Variants in EPPK1 observed in about 807,000 individuals in gnomAD.
The protein encoded by EPPK1 is epiplakin 1, also known as epiplakin.
For missense variants in EPPK1, 3,823 were observed against 3,673.3 expected (o/e 1.04, Z -1.05); for synonymous variants, 1,862 against 1,721.2 (o/e 1.08, Z -2.03).
chr8:143,866,036 G>A lies in EPPK1; in HGVS notation c.7218C>T (p.Pro2406=). Residue 2406 remains proline (P), a synonymous_variant, in exon 2 of 2, where the codon CCC becomes CCT. Coordinates refer to ENST00000615648, the MANE Select transcript of EPPK1 (RefSeq NM_031308.4). ...GCATGTAGAGCCCGGTGTCCGGGTC[G>A]GGCACGCAGCGGCGCAGCAGCTGCA... The part of the protein sequence containing the change: ...TYVQLLRRCV[P]DPDTGLYMLQ... 2 of 168,220 alleles carry A rather than the reference G, an allele frequency of 1.2e-5. No individual in the cohort carries two copies. The highest frequency in any genetic ancestry group is 2.0e-5 in the Non-Finnish European group (2 of 102,426). 10.4% of individuals were successfully genotyped at this position (168,220 alleles called of 1,614,324 possible).
rs369032863 is a variant in EPPK1, at chr8:143,871,791, C to A, written c.1463G>T (p.Arg488Leu). Residue 488 changes from arginine to leucine, a missense_variant, in exon 2 of 2, where the codon CGG becomes CTG. Coordinates refer to ENST00000615648, the MANE Select transcript of EPPK1 (RefSeq NM_031308.4). ...GGCTGTGGCCGTGCTCAGGGCCTGC[C>A]GAGTGCTGTACTTGATGAATGGGGG... ...QGPPFIKYST[R>L]QALSTATATV... The A allele has an allele frequency of 3.7e-6, 6 of 1,611,778 alleles. No individual in the cohort carries two copies. The African/African-American group carries it at 4.0e-5, about 11-fold the overall frequency.
Position 143,869,778 on chromosome 8 carries a change from C to G in EPPK1, c.3476G>C (p.Arg1159Thr). 1 of 1,605,040 alleles carries G rather than the reference C, an allele frequency of 6.2e-7. No individual in the cohort carries two copies. Among genetic ancestry groups the G allele is most frequent in the South Asian group, 1.1e-5 (1 of 89,374 alleles). Residue 1159 changes from arginine (R) to threonine (T), a missense_variant, in exon 2 of 2, where the codon AGG becomes ACG. Arg to Thr is a moderately conservative substitution (Grantham distance 71). Coordinates refer to ENST00000615648, the MANE Select transcript of EPPK1 (RefSeq NM_031308.4). Reference sequence around the variant, plus strand: ...CTCCTGCACGTCCTCCAGCAGGCCCCTCCGTTGCTCCTCGGTGAAGTGGCA... The same window carrying G: ...CTCCTGCACGTCCTCCAGCAGGCCCGTCCGTTGCTCCTCGGTGAAGTGGCA... The part of the protein sequence containing the change: ...SSCHFTEEQR[R>T]GLLEDVQEGR...
chr8:143,878,174 G>A (rs1009723316), intron 1 of EPPK1, among the ~76,000 whole-genome samples: 4 of 151,750 alleles, frequency 2.6e-5, no homozygotes, highest in Non-Finnish European at 5.9e-5. Flanking sequence ...CTCTTCACCG[G>A]CGCCCGGGAC....
In EPPK1 at chr8:143,857,816, A is replaced by C. The variant is rs1302791561; in HGVS notation, c.*171T>G. 9 of 550,366 alleles carry C rather than the reference A, an allele frequency of 1.6e-5. No homozygotes were observed. Among genetic ancestry groups the C allele is most frequent in the Non-Finnish European group, 2.4e-5 (8 of 333,026 alleles). 34.1% of individuals were successfully genotyped at this position (550,366 alleles called of 1,614,324 possible). On this transcript the variant is annotated 3_prime_UTR_variant, in exon 2 of 2. Transcript: ENST00000615648. ...ACTTATGAAACACCTCGATGGACAA[A>C]GGAAAAGTTTCTGTCACATGACAAC...
At chr8:143,877,722 G>A (rs1176267662) in intron 1 of EPPK1, among the ~76,000 whole-genome samples, 1 of 152,170 alleles carries the variant, frequency 6.6e-6, no homozygotes, top group Non-Finnish European at 1.5e-5. Context: ...CCGGCTGTGT[G>A]CCCTTGTGGG....
Position 143,870,670 on chromosome 8 carries a change from C to T in EPPK1, c.2584G>A (p.Gly862Arg). 6.2e-7 allele frequency: 1 copy of T among 1,608,074 alleles called. No homozygotes were observed. The highest frequency in any genetic ancestry group is 8.5e-7 in the Non-Finnish European group (1 of 1,177,968). Residue 862 changes from glycine to arginine, a missense_variant, in exon 2 of 2, where the codon GGG becomes AGG. Physicochemically the swap from Gly to Arg is moderately radical, Grantham distance 125 (BLOSUM62 -2). Transcript: ENST00000615648. This position sits in a 1 kb window ranked among gnomAD's most constrained non-coding sequence, Gnocchi z 5.2. ...GCCTCCAGCAGCTTTGCCACCTGCC[C>T]CAGCGTGACCTCGCGCTGCCGGTAG... is the stretch of plus-strand genomic sequence containing the variant. ...RRYRQREVTL[G>R]QVAKLLEAET... is the part of the protein sequence containing the mutation.
In EPPK1 at chr8:143,866,860, T is replaced by C. The variant is rs1554659218; in HGVS notation, c.6394A>G (p.Thr2132Ala). The C allele has an allele frequency of 1.2e-6, 2 of 1,613,292 alleles. No homozygotes were observed. The highest frequency in any genetic ancestry group is 2.2e-5 in the South Asian group (2 of 91,088). The change falls in exon 2 of 2, where the codon ACA (threonine) becomes GCA (alanine). Residue 2132 changes from threonine (T) to alanine (A), a missense_variant. Transcript: ENST00000615648. ...ACCAGCTGGAGCTTCTTCTCCTCTG[T>C]CACGTATTCGGAATTCAGTAGTGCC... ...LWALLNSEYV[T>A]EEKKLQLVRM... is the part of the protein sequence containing the mutation.
In EPPK1 at chr8:143,872,651, G is replaced by T; in HGVS notation, c.603C>A (p.Leu201=). 6.2e-7 allele frequency: 1 copy of T among 1,609,132 alleles called. No individual in the cohort carries two copies. ...LEPGTGDLRF[L]DPNTLERLTY... is the part of the protein sequence containing the mutation. ...TCAGCCGCTCCAGCGTGTTGGGGTC[G>T]AGGAAGCGCAGGTCACCTGTGCCAG... The change falls in exon 2 of 2, where the codon CTC becomes CTA. Residue 201 remains leucine, a synonymous_variant. Coordinates refer to ENST00000615648, the MANE Select transcript of EPPK1 (RefSeq NM_031308.4).
In EPPK1 at chr8:143,867,777, T is replaced by C. The variant is rs1448713962; in HGVS notation, c.5477A>G (p.Lys1826Arg). Residue 1826 changes from lysine to arginine, a missense_variant, in exon 2 of 2, where the codon AAA becomes AGA. Lys to Arg is a conservative substitution (Grantham distance 26). Coordinates refer to ENST00000615648, the MANE Select transcript of EPPK1 (RefSeq NM_031308.4). ...TGTCGTGGTGATGATTTCCAGCAAT[T>C]TCTCCAGGCCCCCACTCTGGGCTCC... ...EYGAQSGGLEKLLEIITTTIE... is the reference protein window; with the variant it reads ...EYGAQSGGLERLLEIITTTIE... 5 of 1,613,588 alleles carry C rather than the reference T, an allele frequency of 3.1e-6. No homozygotes were observed. Among genetic ancestry groups the C allele is most frequent in the Non-Finnish European group, 4.2e-6 (5 of 1,179,866 alleles).
rs782469351 is a variant in EPPK1, at chr8:143,867,073, C to G, written c.6181G>C (p.Glu2061Gln). ...RKRFVDPNTQEKVSYRELQER... is the reference protein window; with the variant it reads ...RKRFVDPNTQQKVSYRELQER... Reference sequence around the variant, plus strand: ...TGCAGCTCTCGGTACGAGACCTTCTCTTGCGTGTTCGGGTCCACAAACCGT... The same window carrying G: ...TGCAGCTCTCGGTACGAGACCTTCTGTTGCGTGTTCGGGTCCACAAACCGT... Residue 2061 changes from glutamate to glutamine, a missense_variant, in exon 2 of 2, where the codon GAG becomes CAG. Glu to Gln is a conservative substitution (Grantham distance 29, BLOSUM62 2). Coordinates refer to ENST00000615648, the MANE Select transcript of EPPK1 (RefSeq NM_031308.4). The G allele has an allele frequency of 1.1e-5, 18 of 1,612,878 alleles. No homozygotes were observed. Among genetic ancestry groups the G allele is most frequent in the Non-Finnish European group, 1.4e-5 (17 of 1,179,878 alleles).
At position 143,870,438 on chromosome 8, in the gene EPPK1, G is replaced by T. The variant is rs1186563431; in HGVS notation, c.2816C>A (p.Pro939His). ...LGAVGGVRLL[P>H]SGQRLSLYQA... ...GTAGAGGCTGAGCCGCTGGCCAGAG[G>T]GCAGCAGCCGCACACCGCCCACAGC... The change falls in exon 2 of 2, where the codon CCC becomes CAC. Residue 939 changes from proline (P) to histidine (H), a missense_variant. By Grantham distance (77) the Pro-to-His change is moderately conservative. Transcript: ENST00000615648. The surrounding 1 kb of genome is among the most constrained non-coding windows in gnomAD (Gnocchi z 5.2). 6 of 1,597,832 alleles carry T rather than the reference G, an allele frequency of 3.8e-6. No homozygotes were observed. Among genetic ancestry groups the T allele is most frequent in the Admixed American group, 1.7e-5 (1 of 59,392 alleles).
chr8:143,866,543 G>A lies in EPPK1; in HGVS notation c.6711C>T (p.Pro2237=), dbSNP rs1366613440. The A allele has an allele frequency of 1.6e-3, 2,539 of 1,596,718 alleles. 40 individuals are homozygous for A. In the African/African-American group the frequency reaches 0.03, roughly 19 times the overall value. The change falls in exon 2 of 2, where the codon CCC becomes CCT. Residue 2237 remains proline (P), a synonymous_variant. Coordinates refer to ENST00000615648, the MANE Select transcript of EPPK1 (RefSeq NM_031308.4). The stretch of plus-strand genomic sequence containing the variant: ...AGATGCTCATCTTCTCCTGGCGGCC[G>A]GGCTGGTCCTTGGCGGGCACCAGGA... ...AGVLVPAKDQ[P]GRQEKMSIYQ...
chr8:143,866,820 G>C lies in EPPK1; in HGVS notation c.6434C>G (p.Thr2145Arg). 2 of 1,613,424 alleles carry C rather than the reference G, an allele frequency of 1.2e-6. No individual in the cohort carries two copies. The highest frequency in any genetic ancestry group is 1.7e-6 in the Non-Finnish European group (2 of 1,179,848). The change falls in exon 2 of 2, where the codon ACA (threonine) becomes AGA (arginine). Residue 2145 changes from threonine (T) to arginine (R), a missense_variant. Transcript: ENST00000615648. ...CGTCTGCAGTGCCCGTCTGGTGTGT[G>C]TTCTATACATCCTCACCAGCTGGAG... The part of the protein sequence containing the change: ...KKLQLVRMYR[T>R]HTRRALQTVA...
At position 143,870,321 on chromosome 8, in the gene EPPK1, CTG is replaced by C. The variant is rs781855330; in HGVS notation, c.2931_2932del (p.His977GlnfsTer9). On this transcript the variant is annotated frameshift_variant, in exon 2 of 2. Transcript: ENST00000615648. LOFTEE classifies it low-confidence loss of function (END_TRUNC). The surrounding 1 kb of genome is among the most constrained non-coding windows in gnomAD (Gnocchi z 5.2). ...CTCATCCACCGAGAGGCTCTCTGGGCTGTGAGGGTCCATGATGGTTCCGGTGG... is the reference window on the plus strand; with the variant it reads ...CTCATCCACCGAGAGGCTCTCTGGGCTGAGGGTCCATGATGGTTCCGGTGG... The C allele has an allele frequency of 3.2e-6, 5 of 1,568,960 alleles. No individual in the cohort carries two copies. The highest frequency in any genetic ancestry group is 2.7e-5 in the African/African-American group (2 of 73,890).
chr8:143,866,149 C>A lies in EPPK1; in HGVS notation c.7105G>T (p.Asp2369Tyr). The change falls in exon 2 of 2, where the codon GAC becomes TAC. Residue 2369 changes from aspartate to tyrosine, a missense_variant. By Grantham distance (160) the Asp-to-Tyr change is radical (BLOSUM62 -3). Coordinates refer to ENST00000615648, the MANE Select transcript of EPPK1 (RefSeq NM_031308.4). Reference protein sequence around the residue: ...VDVAYRRGYFDEEMNRVLADP... With the variant: ...VDVAYRRGYFYEEMNRVLADP... ...GCCAGGACACGGTTCATCTCCTCGT[C>A]GAAGTAGCCGCGCCGGTAGGCCACG... 5.2e-6 allele frequency: 2 copies of A among 382,420 alleles called. No individual in the cohort carries two copies. Among genetic ancestry groups the A allele is most frequent in the Non-Finnish European group, 8.8e-6 (2 of 228,178 alleles). The allele number at this position is 382,420 out of a possible 1,614,324, so 23.7% of individuals were successfully genotyped here. A position where few individuals can be genotyped will look rare whatever the true frequency, so the allele number is the denominator to read the frequency against.
Position 143,867,545 on chromosome 8 carries a change from C to A in EPPK1, c.5709G>T (p.Thr1903=). The change falls in exon 2 of 2, where the codon ACG becomes ACT. Residue 1903 remains threonine, a synonymous_variant. Transcript: ENST00000615648. The part of the protein sequence containing the change: ...LEGSGCIAGV[T]VPSTREVMSL... ...TCATGACCTCCCTGGTGGAGGGCACCGTGACCCCCGCAATGCAGCCGCTGC... is the reference window on the plus strand; with the variant it reads ...TCATGACCTCCCTGGTGGAGGGCACAGTGACCCCCGCAATGCAGCCGCTGC... 1 of 1,612,632 alleles carries A rather than the reference C, an allele frequency of 6.2e-7. No individual in the cohort carries two copies. The highest frequency in any genetic ancestry group is 1.1e-5 in the South Asian group (1 of 91,074).
chr8:143,871,812 G>A lies in EPPK1; in HGVS notation c.1442C>T (p.Pro481Leu), dbSNP rs1331358028. Residue 481 changes from proline to leucine, a missense_variant, in exon 2 of 2, where the codon CCA (proline) becomes CTA (leucine). Physicochemically the swap from Pro to Leu is moderately conservative, Grantham distance 98. Transcript: ENST00000615648. ...CTGCCGAGTGCTGTACTTGATGAAT[G>A]GGGGTCCCTGGGGCTCCCCTCCCCG... ...GPRGGEPQGP[P>L]FIKYSTRQAL... 2 of 1,612,262 alleles carry A rather than the reference G, an allele frequency of 1.2e-6. No homozygotes were observed. The highest frequency in any genetic ancestry group is 2.2e-5 in the East Asian group (1 of 44,874).
rs782318008 is a variant in EPPK1 at position 143,866,924 on chromosome 8, G to T, written c.6330C>A (p.Ile2110=). ...RRALEAEQVE[I]TVGRFRGQKP... is the part of the protein sequence containing the mutation. ...TCTGGCCTCTGAACCTTCCCACTGT[G>T]ATTTCCACTTGCTCTGCCTCCAGGG... Residue 2110 remains isoleucine (I), a synonymous_variant, in exon 2 of 2, where the codon ATC becomes ATA. Transcript: ENST00000615648. 1.9e-5 allele frequency: 30 copies of T among 1,612,882 alleles called. No individual in the cohort carries two copies. Among genetic ancestry groups the T allele is most frequent in the Non-Finnish European group, 2.5e-5 (29 of 1,179,876 alleles).
chr8:143,867,017 G>A lies in EPPK1; in HGVS notation c.6237C>T (p.Gly2079=). 1 of 1,612,832 alleles carries A rather than the reference G, an allele frequency of 6.2e-7. No individual in the cohort carries two copies. Among genetic ancestry groups the A allele is most frequent in the Non-Finnish European group, 8.5e-7 (1 of 1,179,872 alleles). Residue 2079 remains glycine, a synonymous_variant, in exon 2 of 2, where the codon GGC becomes GGT. Coordinates refer to ENST00000615648, the MANE Select transcript of EPPK1 (RefSeq NM_031308.4). Reference sequence around the variant, plus strand: ...CCTTGTTCACTGGGAACAGCAGCCAGCCCGTGTCCTCTTGTGGGCGGCACC... The same window carrying A: ...CCTTGTTCACTGGGAACAGCAGCCAACCCGTGTCCTCTTGTGGGCGGCACC... ...QERCRPQEDT[G]WLLFPVNKAA...
Sources: gnomAD v4.1 joint callset for allele counts (sites outside exome capture counted in the v4.1 genomes callset) on GRCh38, gnomAD v4.1.1 for gene constraint, Gnocchi (gnomAD v3.1) non-coding constraint, MANE v1.5 for transcripts, NCBI Gene and HGNC (gene_info 2026-07-23, HGNC 2026-07-21) for gene names.